Variants in RPS6KA2 observed in about 807,000 individuals in gnomAD.
RPS6KA2 encodes ribosomal protein S6 kinase A2, also known as ribosomal protein S6 kinase alpha-2.
A neutral mutation model predicts 91.8 loss-of-function variants in RPS6KA2; 42 were observed. That is an observed-to-expected ratio of 0.46 (90% CI 0.36 to 0.59). The LOEUF (loss-of-function observed/expected upper bound fraction) is 0.59, where lower values mean the gene tolerates loss of function less well. Among genes scored for constraint, RPS6KA2 ranks in the 20% least tolerant of loss-of-function variants. The probability of loss-of-function intolerance (pLI) is 0.00; values close to 1 mark genes in which losing one functional copy is unlikely to be tolerated. For synonymous variants in RPS6KA2, 414 were observed against 393.6 expected, an observed-to-expected ratio of 1.05 and a Z score of -0.61; for missense variants, 798 against 978.5, an observed-to-expected ratio of 0.82 and a Z score of 2.46.
chr6:166,794,114 G>A (rs1223729773), intron 2 of RPS6KA2, among the ~76,000 whole-genome samples: 1 of 141,790 alleles, frequency 7.1e-6, no homozygotes, highest in African/African-American at 2.5e-5. Context: ...ATCTGACAAA[G>A]GGCTAATATC....
intron 2 of RPS6KA2, among the ~76,000 whole-genome samples, chr6:166,720,533 C>T (rs1057171364): frequency 2.0e-5 from 3 of 152,022 alleles, no homozygotes; most frequent in African/African-American, 7.3e-5. Flanking sequence ...GAAATCTCTC[C>T]CCAAAAATAA....
intron 2 of RPS6KA2, among the ~76,000 whole-genome samples, chr6:166,837,292 C>T (rs767722578): frequency 1.3e-5 from 2 of 152,092 alleles, no homozygotes; most frequent in Non-Finnish European, 2.9e-5. Context: ...GTGGAAGGCT[C>T]GGCCGCTCCC....
At position 166,545,040 on chromosome 6, in the gene RPS6KA2, G is replaced by A. The variant is rs143172362; in HGVS notation, c.100-6256C>T. Among the ~76,000 whole-genome samples the A allele has an allele frequency of 2.6e-5, 4 of 152,304 alleles. No homozygotes were observed. The East Asian group carries it at 5.8e-4, about 22-fold the overall frequency. ...AAAATCATAGGAGGAAGGGAAGCAG[G>A]AGAAGGAAAGAGAAAGGAAAATACC... On this transcript the variant is annotated intron_variant, in intron 1 of 20. Transcript: ENST00000265678.
chr6:166,501,452 T>A lies in RPS6KA2; in HGVS notation c.567-528A>T, dbSNP rs75761045. 5.8e-3 allele frequency among the ~76,000 whole-genome samples: 882 copies of A among 152,358 alleles called. 9 individuals are homozygous for A. Among genetic ancestry groups the A allele is most frequent in the African/African-American group, 0.02 (850 of 41,596 alleles). ...AGCGGGGGCCAAGGCATCGAGGAGC[T>A]TCGGGCTTCAGCAGGTACATCTTGT... is the stretch of plus-strand genomic sequence containing the variant. On this transcript the variant is annotated intron_variant, in intron 6 of 20. Transcript: ENST00000265678.
intron 6 of RPS6KA2, among the ~76,000 whole-genome samples, chr6:166,501,417 G>A (rs1281533426): frequency 1.3e-5 from 2 of 152,198 alleles, no homozygotes; most frequent in Admixed American, 1.3e-4. Flanking sequence ...ACCCAGGTGA[G>A]GCCTGCACAA....
At chr6:166,581,506 G>A (rs537949107) in intron 1 of RPS6KA2, among the ~76,000 whole-genome samples, 10 of 152,236 alleles carry the variant, frequency 6.6e-5, no homozygotes, top group African/African-American at 2.2e-4. Context: ...AGGTGGGTTC[G>A]GCATTTTCCA....
chr6:166,829,142 A>G (rs1780115841), intron 2 of RPS6KA2, among the ~76,000 whole-genome samples: 1 of 152,210 alleles, frequency 6.6e-6, no homozygotes, highest in Non-Finnish European at 1.5e-5. Context: ...GTAAGGCACC[A>G]CTTCACTCCC....
chr6:166,555,126 G>A (rs1583275332), intron 1 of RPS6KA2, among the ~76,000 whole-genome samples: 2 of 152,308 alleles, frequency 1.3e-5, no homozygotes, highest in African/African-American at 4.8e-5. Context: ...GTACGTGGTA[G>A]GTTTTACAAT....
At chr6:166,447,379 G>C (rs1246786753) in intron 14 of RPS6KA2, among the ~76,000 whole-genome samples, 1 of 152,106 alleles carries the variant, frequency 6.6e-6, no homozygotes, top group East Asian at 1.9e-4. Context: ...ATCACAAATT[G>C]ATTATTTCTC....
intron 2 of RPS6KA2, among the ~76,000 whole-genome samples, chr6:166,729,042 T>C (rs1002375979): frequency 3.9e-5 from 6 of 152,226 alleles, no homozygotes; most frequent in African/African-American, 1.4e-4. Flanking sequence ...AGTGCTCCCC[T>C]GCGGAAGGGC....
Position 166,648,458 on chromosome 6 carries a change from G to T in RPS6KA2, c.124-109674C>A, listed in dbSNP as rs1237129583. Among the ~76,000 whole-genome samples the T allele has an allele frequency of 6.6e-6, 1 of 152,216 alleles. No homozygotes were observed. The highest frequency in any genetic ancestry group is 1.5e-5 in the Non-Finnish European group (1 of 68,034). On this transcript the variant is annotated intron_variant, in intron 2 of 21. Coordinates refer to the RPS6KA2 transcript ENST00000503859. The surrounding 1 kb of genome is among the most constrained non-coding windows in gnomAD (Gnocchi z 4.8). Reference sequence around the variant, plus strand: ...TGCCTTTGTACCTGAGACTGGGCAAGAATTACTTGAGAGCAGAAGCCATGT... The same window carrying T: ...TGCCTTTGTACCTGAGACTGGGCAATAATTACTTGAGAGCAGAAGCCATGT...
intron 2 of RPS6KA2, among the ~76,000 whole-genome samples, chr6:166,751,612 A>AG: frequency 6.6e-6 from 1 of 152,238 alleles, no homozygotes; most frequent in Non-Finnish European, 1.5e-5. Context: ...CCGTGGAAAG[A>AG]GGGGTCTAAG....
At chr6:166,809,910 G>T (rs770378987) in intron 2 of RPS6KA2, among the ~76,000 whole-genome samples, 8 of 152,242 alleles carry the variant, frequency 5.3e-5, no homozygotes, top group Non-Finnish European at 1.0e-4. Flanking sequence ...CTGGGGGAAT[G>T]AACAGGCATG....
chr6:166,698,259 A>G (rs190416705), intron 2 of RPS6KA2, among the ~76,000 whole-genome samples: 72 of 152,328 alleles, frequency 4.7e-4, no homozygotes, highest in Middle Eastern at 3.4e-3. Context: ...AGAAGGGAAG[A>G]AGAGGATGGG....
At chr6:166,453,674 AT>A (rs1779990955) in intron 12 of RPS6KA2, among the ~76,000 whole-genome samples, 1 of 152,242 alleles carries the variant, frequency 6.6e-6, no homozygotes, top group South Asian at 2.1e-4. Flanking sequence ...ATGGAACTAT[AT>A]TCGATGCAGC....
At position 166,423,116 on chromosome 6, in the gene RPS6KA2, G is replaced by A. The variant is rs780417807; in HGVS notation, c.1743+140C>T. ...CTGGCTCAAGAGACTGAAGGTTCTC[G>A]TTTCTGTTTCCCAACACCACTGCTG... On this transcript the variant is annotated intron_variant, in intron 17 of 20. Transcript: ENST00000265678. This position sits in a 1 kb window ranked among gnomAD's most constrained non-coding sequence, Gnocchi z 4.8. The A allele has an allele frequency of 3.1e-5, 24 of 777,858 alleles. No homozygotes were observed. Among genetic ancestry groups the A allele is most frequent in the African/African-American group, 3.5e-5 (2 of 56,858 alleles). 48.2% of individuals were successfully genotyped at this position (777,858 alleles called of 1,614,324 possible).
At chr6:166,728,372 G>A (rs530083023) in intron 2 of RPS6KA2, among the ~76,000 whole-genome samples, 7 of 152,306 alleles carry the variant, frequency 4.6e-5, no homozygotes, top group South Asian at 2.1e-4. Flanking sequence ...GGGGTCCCCC[G>A]GGGTCTCGTG....
intron 10 of RPS6KA2, among the ~76,000 whole-genome samples, chr6:166,470,657 G>T (rs1407806464): frequency 6.6e-6 from 1 of 152,112 alleles, no homozygotes; most frequent in Non-Finnish European, 1.5e-5. Flanking sequence ...AATCGCCACT[G>T]TCCCCCCAGA....
intron 8 of RPS6KA2, among the ~76,000 whole-genome samples, chr6:166,492,890 AT>A (rs71032807): frequency 0.36 from 36,816 of 103,586 alleles, 5,455 homozygotes; most frequent in East Asian, 0.57. Flanking sequence ...TAATTTTTGT[AT>A]TTTTTTTTTT....
Sources: gnomAD v4.1 joint callset for allele counts (sites outside exome capture counted in the v4.1 genomes callset) on GRCh38, gnomAD v4.1.1 for gene constraint, Gnocchi (gnomAD v3.1) non-coding constraint, MANE v1.5 for transcripts, NCBI Gene and HGNC (gene_info 2026-07-23, HGNC 2026-07-21) for gene names.